The following PDZRN4 variants were observed in gnomAD, a reference collection of about 807,000 sequenced individuals.
The protein encoded by PDZRN4 is PDZ domain containing ring finger 4.
A neutral mutation model predicts 99.0 loss-of-function variants in PDZRN4; 70 were observed. The observed-to-expected ratio is 0.71, with a 90% CI of 0.58 to 0.86. The LOEUF is 0.86. Ranked by LOEUF, PDZRN4 falls within the 40% of genes least tolerant of loss-of-function variation. PDZRN4 has a pLI of 0.00. For synonymous variants in PDZRN4, 551 were observed against 501.6 expected (o/e 1.10, Z -1.32); for missense variants, 1,474 against 1,331.2 (o/e 1.11, Z -1.67).
intron 3 of PDZRN4, among the ~76,000 whole-genome samples, chr12:41,264,072 A>G (rs2120839536): frequency 6.6e-6 from 1 of 152,322 alleles, no homozygotes; most frequent in South Asian, 2.1e-4. Context: ...TTATAAATTT[A>G]CCAATTTAAG....
chr12:41,417,970 CT>C (rs1952457886), intron 3 of PDZRN4, among the ~76,000 whole-genome samples: 1 of 152,138 alleles, frequency 6.6e-6, no homozygotes, highest in Non-Finnish European at 1.5e-5. Flanking sequence ...ATTGTTTATC[CT>C]TGCAACAAAT....
At chr12:41,341,328 T>G (rs1951815496) in intron 3 of PDZRN4, among the ~76,000 whole-genome samples, 2 of 151,858 alleles carry the variant, frequency 1.3e-5, no homozygotes, top group East Asian at 1.9e-4. Flanking sequence ...CCACTCCTAT[T>G]CAATGTAGTA....
At chr12:41,423,224 C>G (rs1316747023) in intron 3 of PDZRN4, among the ~76,000 whole-genome samples, 2 of 151,980 alleles carry the variant, frequency 1.3e-5, no homozygotes, top group East Asian at 3.9e-4. Flanking sequence ...TATACACATG[C>G]CATGGTGGTT....
At chr12:41,200,822 T>A (rs1395582355) in intron 3 of PDZRN4, among the ~76,000 whole-genome samples, 1 of 152,112 alleles carries the variant, frequency 6.6e-6, no homozygotes. Flanking sequence ...CCCTGCAACA[T>A]TTATTTCCAG....
chr12:41,375,641 A>C (rs568993210), intron 3 of PDZRN4, among the ~76,000 whole-genome samples: 18 of 152,300 alleles, frequency 1.2e-4, no homozygotes, highest in Non-Finnish European at 2.2e-4. Context: ...AATTGTATAA[A>C]GTATACAATA....
At chr12:41,330,393 A>C (rs779590324) in intron 3 of PDZRN4, among the ~76,000 whole-genome samples, 6 of 151,898 alleles carry the variant, frequency 4.0e-5, no homozygotes, top group Non-Finnish European at 8.8e-5. Context: ...TGAGCAATCA[A>C]CTTCACCTCT....
rs573636494 is a variant in PDZRN4 at position 41,378,398 on chromosome 12, G to A, written c.844-128058G>A. Among the ~76,000 whole-genome samples the A allele has an allele frequency of 2.0e-5, 3 of 151,902 alleles. No individual in the cohort carries two copies. In the South Asian group the frequency reaches 6.2e-4, roughly 32 times the overall value. On this transcript the variant is annotated intron_variant, in intron 3 of 9. Transcript: ENST00000402685. ...AATTTGCTGTATTTTGAGAATTTTT[G>A]CATCTGTTCATCAGAGATATTGGCT...
chr12:41,337,827 G>T (rs1315348788), intron 3 of PDZRN4, among the ~76,000 whole-genome samples: 1 of 152,050 alleles, frequency 6.6e-6, no homozygotes, highest in East Asian at 1.9e-4. Flanking sequence ...CTTCTTAAAC[G>T]GACCAAAGCA....
intron 3 of PDZRN4, among the ~76,000 whole-genome samples, chr12:41,377,972 TTTC>T (rs1340245599): frequency 6.6e-6 from 1 of 152,192 alleles, no homozygotes; most frequent in Non-Finnish European, 1.5e-5. Flanking sequence ...ATGCCATGTA[TTTC>T]TTCTTCTTGC....
chr12:41,549,674 C>T (rs183371892), intron 5 of PDZRN4, among the ~76,000 whole-genome samples: 34 of 152,172 alleles, frequency 2.2e-4, no homozygotes, highest in Admixed American at 5.2e-4. Flanking sequence ...TATTAATATG[C>T]GCTAAAGCCT....
At position 41,396,217 on chromosome 12, in the gene PDZRN4, A is replaced by G. The variant is rs549220627; in HGVS notation, c.844-110239A>G. 3.9e-5 allele frequency among the ~76,000 whole-genome samples: 6 copies of G among 152,234 alleles called. No individual in the cohort carries two copies. In the South Asian group the frequency reaches 1.2e-3, roughly 32 times the overall value. ...TGTGAACGTTTTCTGCCACTTCATAATAAGGATTATTTTTCCTCTAGTTTC... is the reference window on the plus strand; with the variant it reads ...TGTGAACGTTTTCTGCCACTTCATAGTAAGGATTATTTTTCCTCTAGTTTC... On this transcript the variant is annotated intron_variant, in intron 3 of 9. Transcript: ENST00000402685.
intron 3 of PDZRN4, among the ~76,000 whole-genome samples, chr12:41,406,415 C>T (rs1952350709): frequency 6.6e-6 from 1 of 152,114 alleles, no homozygotes; most frequent in Admixed American, 6.5e-5. Context: ...ACGTCATTAC[C>T]AAGCTACTGT....
At chr12:41,505,217 G>T (rs931212075) in intron 3 of PDZRN4, among the ~76,000 whole-genome samples, 1 of 152,114 alleles carries the variant, frequency 6.6e-6, no homozygotes, top group Admixed American at 6.6e-5. Context: ...CTAAGGGTTT[G>T]CTGGTGCGTA....
At chr12:41,382,389 G>T (rs527295652) in intron 3 of PDZRN4, among the ~76,000 whole-genome samples, 21 of 152,326 alleles carry the variant, frequency 1.4e-4, no homozygotes, top group African/African-American at 5.1e-4. Flanking sequence ...GCTGACCAAG[G>T]TAACTGATTG....
At chr12:41,273,166 T>C (rs1232194907) in intron 3 of PDZRN4, among the ~76,000 whole-genome samples, 1 of 152,020 alleles carries the variant, frequency 6.6e-6, no homozygotes, top group African/African-American at 2.4e-5. Context: ...AAATGTACAT[T>C]TTAATAAAGT....
At chr12:41,498,605 CT>C (rs1938054904) in intron 3 of PDZRN4, among the ~76,000 whole-genome samples, 1 of 152,076 alleles carries the variant, frequency 6.6e-6, no homozygotes, top group South Asian at 2.1e-4. Flanking sequence ...CAGTGCAGAG[CT>C]TTTATAAACT....
intron 7 of PDZRN4, among the ~76,000 whole-genome samples, chr12:41,561,959 G>A (rs1196301127): frequency 1.3e-5 from 2 of 152,012 alleles, no homozygotes; most frequent in African/African-American, 4.8e-5. Flanking sequence ...TGAGAAAAAA[G>A]GCCTTGGAGT....
At chr12:41,398,860 T>A (rs1952269815) in intron 3 of PDZRN4, among the ~76,000 whole-genome samples, 1 of 152,178 alleles carries the variant, frequency 6.6e-6, no homozygotes, top group South Asian at 2.1e-4. Context: ...GTTGCATGAA[T>A]GATAACTTAA....
intron 5 of PDZRN4, among the ~76,000 whole-genome samples, chr12:41,547,756 T>A (rs755409834): frequency 4.4e-4 from 67 of 152,362 alleles, no homozygotes; most frequent in Non-Finnish European, 9.6e-4. Flanking sequence ...GCATCATGAA[T>A]TCATTTCCTC....
Sources: gnomAD v4.1 joint callset for allele counts (sites outside exome capture counted in the v4.1 genomes callset) on GRCh38, gnomAD v4.1.1 for gene constraint, MANE v1.5 for transcripts, NCBI Gene and HGNC (gene_info 2026-07-23, HGNC 2026-07-21) for gene names.